KLHL5: variants seen among roughly 807,000 people sequenced by gnomAD.
KLHL5 encodes kelch-like protein 5.
A neutral mutation model predicts 77.7 loss-of-function variants in KLHL5; 48 were observed. That is an observed-to-expected ratio of 0.62 (90% CI 0.49 to 0.79). The LOEUF (loss-of-function observed/expected upper bound fraction) is 0.79, where lower values mean the gene tolerates loss of function less well. KLHL5 is among the 30% of genes least tolerant of loss of function. The pLI is 0.00. For synonymous variants in KLHL5, 260 were observed against 297.0 expected, an observed-to-expected ratio of 0.88 and a Z score of 1.28; for missense variants, 723 against 859.7, an observed-to-expected ratio of 0.84 and a Z score of 1.99.
chr4:39,069,313 T>TA (rs1718186313), intron 1 of KLHL5, among the ~76,000 whole-genome samples: 1 of 151,844 alleles, frequency 6.6e-6, no homozygotes, highest in Non-Finnish European at 1.5e-5. Context: ...CTGTGGTAGA[T>TA]ATAAAGAATG....
chr4:39,128,193 G>A (rs566897558), downstream of KLHL5, among the ~76,000 whole-genome samples: 8 of 152,254 alleles, frequency 5.3e-5, no homozygotes, highest in South Asian at 8.3e-4. Context: ...TTTATCTATT[G>A]TTATACCTTC....
At chr4:39,088,105 C>G (rs1034461696) in intron 5 of KLHL5, among the ~76,000 whole-genome samples, 1 of 152,136 alleles carries the variant, frequency 6.6e-6, no homozygotes, top group Non-Finnish European at 1.5e-5. Flanking sequence ...TTTAAAAATT[C>G]TTTCTAGATG....
At chr4:39,136,659 G>A in the KLHL5 span, among the ~76,000 whole-genome samples, 7 of 152,164 alleles carry the variant, frequency 4.6e-5, no homozygotes, top group African/African-American at 1.4e-4. Flanking sequence ...CACACAGCAC[G>A]GCAGCCTGGC....
At chr4:39,101,126 T>TATACATATACATATATATA (rs1553892884) in intron 6 of KLHL5, among the ~76,000 whole-genome samples, 7 of 134,844 alleles carry the variant, frequency 5.2e-5, no homozygotes, top group African/African-American at 1.4e-4. Flanking sequence ...TATTTGGATT[T>TATACATATACATATATATA]TATATATATA....
At chr4:39,049,079 G>C (rs934964772) in intron 1 of KLHL5, among the ~76,000 whole-genome samples, 2 of 152,312 alleles carry the variant, frequency 1.3e-5, no homozygotes, top group Non-Finnish European at 2.9e-5. Flanking sequence ...AGAAAGAGGA[G>C]AACTGGAATA....
chr4:39,100,162 G>A (rs1248980002), intron 6 of KLHL5, among the ~76,000 whole-genome samples: 5 of 152,150 alleles, frequency 3.3e-5, no homozygotes, highest in Non-Finnish European at 7.3e-5. Context: ...AGGAAAATGC[G>A]TATCTGTCTT....
At chr4:39,058,069 A>G (rs1003778773), upstream of KLHL5, among the ~76,000 whole-genome samples, 4 of 152,212 alleles carry the variant, frequency 2.6e-5, no homozygotes, top group African/African-American at 7.2e-5. Flanking sequence ...TTACATTTTG[A>G]AAAATGTATT....
At chr4:39,045,632 CTT>C (rs1428217413) in intron 1 of KLHL5, among the ~76,000 whole-genome samples, 1 of 151,986 alleles carries the variant, frequency 6.6e-6, no homozygotes, top group Non-Finnish European at 1.5e-5. Context: ...CCTGGTGAAA[CTT>C]TTGCATTTAG....
At chr4:39,093,673 A>G in intron 5 of KLHL5, among the ~76,000 whole-genome samples, 1 of 152,206 alleles carries the variant, frequency 6.6e-6, no homozygotes, top group Non-Finnish European at 1.5e-5. Flanking sequence ...TGGGAGGCCA[A>G]GGTGGGAGGA....
rs116649006 is a variant in KLHL5 at position 39,120,784 on chromosome 4, A to C, written c.2074-226A>C. On this transcript the variant is annotated intron_variant, in intron 10 of 10. Transcript: ENST00000504108. ...AAAAATCACCTTTAAAGAAGAATGA[A>C]TGCTACACAATCATGATGTACCCAA... is the stretch of plus-strand genomic sequence containing the variant. Among the ~76,000 whole-genome samples, 1,027 of 152,368 alleles carry C rather than the reference A, an allele frequency of 6.7e-3. 13 individuals carry two copies. Among genetic ancestry groups the C allele is most frequent in the African/African-American group, 0.023 (959 of 41,586 alleles).
chr4:39,046,026 C>A (rs1222598176), intron 1 of KLHL5, among the ~76,000 whole-genome samples: 2 of 139,642 alleles, frequency 1.4e-5, no homozygotes, highest in Admixed American at 8.0e-5. Flanking sequence ...CGGCAAAAAA[C>A]CAATCATGAC....
intron 2 of KLHL5, 141 bp downstream of exon 2, chr4:39,076,288 C>A: frequency 1.5e-6 from 1 of 667,040 alleles, no homozygotes; most frequent in Non-Finnish European, 2.5e-6. Flanking sequence ...GAAAACGGTG[C>A]ATATGAAATT....
intron 5 of KLHL5, among the ~76,000 whole-genome samples, chr4:39,090,813 T>C (rs184882661): frequency 9.2e-5 from 14 of 151,958 alleles, no homozygotes; most frequent in Admixed American, 3.9e-4. Context: ...CATTTTATTT[T>C]ATATTTTGAG....
In KLHL5 at chr4:39,101,950, A is replaced by ACG. The variant is rs1285875477; in HGVS notation, c.1301-1337_1301-1336insCG. Reference sequence around the variant, plus strand: ...TATATACACACATATATACACACATATATATACACACACATATATATGTAT... The same window carrying ACG: ...TATATACACACATATATACACACATACGTATATACACACACATATATATGTAT... On this transcript the variant is annotated intron_variant, in intron 6 of 10. Coordinates refer to ENST00000504108, the MANE Select transcript of KLHL5 (RefSeq NM_015990.5). Among the ~76,000 whole-genome samples the ACG allele has an allele frequency of 4.8e-3, 315 of 65,592 alleles. 3 individuals carry two copies. Among genetic ancestry groups the ACG allele is most frequent in the African/African-American group, 0.014 (266 of 19,438 alleles). The allele number at this position is 65,592 out of a possible 152,430, so 43.0% of individuals were successfully genotyped here. A position where few individuals can be genotyped will look rare whatever the true frequency, so the allele number is the denominator to read the frequency against.
In KLHL5 at chr4:39,124,553, C is replaced by G. The variant is rs1004653807; in HGVS notation, c.*3487C>G. ...TTGATTTTTGACAAGGGTTCCAGGACCATTCAATGAAGAAAGAACAGTGTC... is the reference window on the plus strand; with the variant it reads ...TTGATTTTTGACAAGGGTTCCAGGAGCATTCAATGAAGAAAGAACAGTGTC... On this transcript the variant is annotated 3_prime_UTR_variant, in exon 11 of 11. Transcript: ENST00000504108. 6.6e-5 allele frequency among the ~76,000 whole-genome samples: 10 copies of G among 151,888 alleles called. No individual in the cohort carries two copies. The highest frequency in any genetic ancestry group is 1.3e-4 in the Admixed American group (2 of 15,250).
chr4:39,065,079 CA>C (rs1380426905), intron 1 of KLHL5, among the ~76,000 whole-genome samples: 1 of 152,056 alleles, frequency 6.6e-6, no homozygotes, highest in African/African-American at 2.4e-5. Flanking sequence ...TTTGAAATTT[CA>C]ATCTTCTTAT....
chr4:39,106,438 ATG>A (rs1177283184), intron 7 of KLHL5, among the ~76,000 whole-genome samples: 1 of 152,240 alleles, frequency 6.6e-6, no homozygotes, highest in Non-Finnish European at 1.5e-5. Context: ...TATAAGATTT[ATG>A]AGGGCACAGC....
chr4:39,101,951 T>TATACACACATAC, intron 6 of KLHL5, among the ~76,000 whole-genome samples: 1 of 145,824 alleles, frequency 6.9e-6, no homozygotes, highest in South Asian at 2.1e-4. Context: ...TACACACATA[T>TATACACACATAC]ATATACACAC....
At chr4:39,076,229 T>A in intron 2 of KLHL5, 82 bp downstream of exon 2, 3 of 1,194,690 alleles carry the variant, frequency 2.5e-6, no homozygotes, top group African/African-American at 1.6e-5. Context: ...CTACTTCAAT[T>A]GACTATTATG....
Sources: allele counts gnomAD v4.1 joint callset (sites outside exome capture counted in the v4.1 genomes callset), GRCh38; gene constraint gnomAD v4.1.1; transcripts MANE v1.5; gene names NCBI Gene and HGNC (gene_info 2026-07-23, HGNC 2026-07-21).